The following FAM107B variants were observed in gnomAD, a reference collection of about 807,000 sequenced individuals.
FAM107B encodes family with sequence similarity 107 member B.
FAM107B carries 21 observed loss-of-function variants against 31.5 expected under a neutral mutation model. That is an observed-to-expected ratio of 0.67 (90% CI 0.47 to 0.96). The LOEUF is 0.96. Ranked by LOEUF, FAM107B falls within the 40% of genes least tolerant of loss-of-function variation. The probability of loss-of-function intolerance (pLI) is 0.00; values close to 1 mark genes in which losing one functional copy is unlikely to be tolerated. For missense variants in FAM107B, 452 were observed against 377.1 expected, an observed-to-expected ratio of 1.20 and a Z score of -1.64; for synonymous variants, 157 against 141.5, an observed-to-expected ratio of 1.11 and a Z score of -0.78.
chr10:14,535,839 C>T (rs980786452), intron 2 of FAM107B, among the ~76,000 whole-genome samples: 1 of 152,242 alleles, frequency 6.6e-6, no homozygotes, highest in Non-Finnish European at 1.5e-5. Flanking sequence ...CTGAGCAACA[C>T]ACGGAAGTCA....
intron 2 of FAM107B, among the ~76,000 whole-genome samples, chr10:14,626,499 C>CCT (rs1853166407): frequency 9.2e-6 from 1 of 109,042 alleles, no homozygotes; most frequent in Non-Finnish European, 1.8e-5. Context: ...TGAGGCGGAT[C>CCT]TTTTTTTTCT....
intron 2 of FAM107B, among the ~76,000 whole-genome samples, chr10:14,663,712 C>G (rs572388672): frequency 3.3e-5 from 5 of 152,106 alleles, no homozygotes; most frequent in African/African-American, 9.6e-5. Flanking sequence ...CTAAGAAAGG[C>G]CTCCAATGTA....
intron 2 of FAM107B, among the ~76,000 whole-genome samples, chr10:14,633,489 A>C (rs1256847906): frequency 1.3e-5 from 2 of 152,232 alleles, no homozygotes; most frequent in African/African-American, 4.8e-5. Flanking sequence ...GTAGGAATTT[A>C]ATGATGGATT....
chr10:14,587,652 C>A (rs1157861015), intron 2 of FAM107B, among the ~76,000 whole-genome samples: 1 of 152,166 alleles, frequency 6.6e-6, no homozygotes, highest in Non-Finnish European at 1.5e-5. Flanking sequence ...GTCACCACAA[C>A]CCTAGCAACT....
chr10:14,742,831 A>G (rs1284422356), intron 1 of FAM107B, among the ~76,000 whole-genome samples: 3 of 151,576 alleles, frequency 2.0e-5, no homozygotes, highest in Admixed American at 6.6e-5. Context: ...TCTTATCTCC[A>G]CTATTTGACT....
chr10:14,608,235 A>G (rs1852641375), intron 2 of FAM107B, among the ~76,000 whole-genome samples: 1 of 152,224 alleles, frequency 6.6e-6, no homozygotes, highest in Non-Finnish European at 1.5e-5. Flanking sequence ...TGTATCTTAA[A>G]TTTTGCACTG....
intron 1 of FAM107B, among the ~76,000 whole-genome samples, chr10:14,758,734 C>T (rs923050054): frequency 6.6e-6 from 1 of 151,834 alleles, no homozygotes; most frequent in Non-Finnish European, 1.5e-5. Context: ...AGTCTGAGGC[C>T]GCGAGTGCTG....
intron 1 of FAM107B, among the ~76,000 whole-genome samples, chr10:14,759,804 C>T (rs993071657): frequency 5.3e-5 from 8 of 151,856 alleles, no homozygotes; most frequent in African/African-American, 1.9e-4. Flanking sequence ...CTCCACCTCC[C>T]GGACACAAGT....
chr10:14,625,266 G>A (rs537946196), intron 2 of FAM107B, among the ~76,000 whole-genome samples: 2 of 150,592 alleles, frequency 1.3e-5, no homozygotes, highest in African/African-American at 4.9e-5. Context: ...GTGCGTGTGT[G>A]TGTGTGTGTG....
chr10:14,664,473 T>C (rs887386818), intron 2 of FAM107B, among the ~76,000 whole-genome samples: 5 of 152,246 alleles, frequency 3.3e-5, no homozygotes, highest in African/African-American at 1.2e-4. Context: ...CTGTATTTTT[T>C]ACTGTACCTC....
intron 2 of FAM107B, among the ~76,000 whole-genome samples, chr10:14,542,098 A>T (rs185049955): frequency 2.0e-5 from 3 of 151,738 alleles, no homozygotes; most frequent in African/African-American, 7.3e-5. Flanking sequence ...CTACTTAAAA[A>T]AATAATAATA....
chr10:14,632,557 G>C (rs1473902906), intron 2 of FAM107B, among the ~76,000 whole-genome samples: 1 of 147,650 alleles, frequency 6.8e-6, no homozygotes, highest in East Asian at 2.0e-4. Context: ...CTTGCAGTGA[G>C]CCGAGATTGC....
At position 14,548,519 on chromosome 10, in the gene FAM107B, C is replaced by A. The variant is rs964589494; in HGVS notation, c.470-18004G>T. On this transcript the variant is annotated intron_variant, in intron 2 of 4. Coordinates refer to ENST00000181796, the MANE Select transcript of FAM107B (RefSeq NM_031453.4). Reference sequence around the variant, plus strand: ...TGGAGTTGGCCCAGGGCTGCTTCATCGCTTGGAGGTGGCAGGAGGAACCTG... The same window carrying A: ...TGGAGTTGGCCCAGGGCTGCTTCATAGCTTGGAGGTGGCAGGAGGAACCTG... 11 of 985,310 alleles carry A rather than the reference C, an allele frequency of 1.1e-5. No individual in the cohort carries two copies. In the African/African-American group the frequency reaches 1.7e-4, roughly 16 times the overall value. The allele number at this position is 985,310 out of a possible 1,614,324, so 61.0% of individuals were successfully genotyped here. A position where few individuals can be genotyped will look rare whatever the true frequency, so the allele number is the denominator to read the frequency against.
At chr10:14,528,049 A>C (rs544125573) in intron 3 of FAM107B, 1 of 393,852 alleles carries the variant, frequency 2.5e-6, no homozygotes, top group Non-Finnish European at 4.9e-6. Flanking sequence ...CCTTCAAAGA[A>C]AAGGGAGAAA....
chr10:14,580,016 T>C (rs1401222648), intron 2 of FAM107B, among the ~76,000 whole-genome samples: 1 of 78,764 alleles, frequency 1.3e-5, no homozygotes, highest in African/African-American at 4.0e-5. Flanking sequence ...CAAGACTTCA[T>C]TTCAAAAAAA....
chr10:14,753,844 C>T (rs192645577), intron 1 of FAM107B, among the ~76,000 whole-genome samples: 134 of 151,948 alleles, frequency 8.8e-4, no homozygotes, highest in African/African-American at 3.2e-3. Context: ...AACATCTTCC[C>T]CCCACCTATA....
chr10:14,715,862 C>A (rs1380761034), intron 1 of FAM107B, among the ~76,000 whole-genome samples: 2 of 152,176 alleles, frequency 1.3e-5, no homozygotes, highest in African/African-American at 4.8e-5. Flanking sequence ...GATTCTCAGG[C>A]CTTTGTACTC....
At chr10:14,711,519 C>T (rs1019731382) in intron 1 of FAM107B, among the ~76,000 whole-genome samples, 1 of 152,208 alleles carries the variant, frequency 6.6e-6, no homozygotes, top group African/African-American at 2.4e-5. Context: ...GAGCAGTAGG[C>T]TATACCGCCT....
intron 2 of FAM107B, among the ~76,000 whole-genome samples, chr10:14,531,420 T>G (rs556047940): frequency 4.0e-5 from 6 of 151,594 alleles, no homozygotes; most frequent in Non-Finnish European, 8.8e-5. Flanking sequence ...CTCAGGAGGC[T>G]GAGGTGGGAG....
Sources: allele counts gnomAD v4.1 joint callset (sites outside exome capture counted in the v4.1 genomes callset), GRCh38; gene constraint gnomAD v4.1.1; transcripts MANE v1.5; gene names NCBI Gene and HGNC (gene_info 2026-07-23, HGNC 2026-07-21).